SLC19A1: variants seen among roughly 807,000 people sequenced by gnomAD.
SLC19A1 encodes solute carrier family 19 member 1.
A neutral mutation model predicts 35.3 loss-of-function variants in SLC19A1; 37 were observed. That is an observed-to-expected ratio of 1.05 (90% CI 0.81 to 1.38). The LOEUF (loss-of-function observed/expected upper bound fraction) is 1.38. Ranked by LOEUF, SLC19A1 falls within the 40% of genes most tolerant of loss-of-function variation. The pLI is 0.00. For missense variants in SLC19A1, 831 were observed against 826.9 expected, an observed-to-expected ratio of 1.00 and a Z score of -0.06; for synonymous variants, 460 against 398.5, an observed-to-expected ratio of 1.15 and a Z score of -1.84.
chr21:45,528,230 G>A (rs1049131142), intron 4 of SLC19A1, among the ~76,000 whole-genome samples: 4 of 152,242 alleles, frequency 2.6e-5, no homozygotes, highest in Non-Finnish European at 2.9e-5. Context: ...GGATGCCAGC[G>A]CTGGGCAGGG....
At chr21:45,561,368 C>G (rs542165028) in intron 1 of SLC19A1, among the ~76,000 whole-genome samples, 1 of 152,304 alleles carries the variant, frequency 6.6e-6, no homozygotes, top group African/African-American at 2.4e-5. Context: ...GTTTGTGCAG[C>G]CAGGATTAAA....
chr21:45,507,727 G>C, downstream of SLC19A1: 1 of 858,540 alleles, frequency 1.2e-6, no homozygotes, highest in Non-Finnish European at 1.9e-6. Flanking sequence ...ATCAGCCCCT[G>C]CTGCAGAAAC....
In SLC19A1 at chr21:45,530,248, C is replaced by A. The variant is rs1004269565; in HGVS notation, c.1151+522G>T. Among the ~76,000 whole-genome samples, 5 of 149,846 alleles carry A rather than the reference C, an allele frequency of 3.3e-5. No individual in the cohort carries two copies. The highest frequency in any genetic ancestry group is 3.3e-4 in the Admixed American group (5 of 15,084). On this transcript the variant is annotated intron_variant, in intron 4 of 5. Coordinates refer to ENST00000311124, the MANE Select transcript of SLC19A1 (RefSeq NM_194255.4). This position sits in a 1 kb window ranked among gnomAD's most constrained non-coding sequence, Gnocchi z 5.3. Reference sequence around the variant, plus strand: ...TGTGTGTCCGTGTGTGTGGTGTGTTCATGTGCGATATATCCATGTGTGAGT... The same window carrying A: ...TGTGTGTCCGTGTGTGTGGTGTGTTAATGTGCGATATATCCATGTGTGAGT...
chr21:45,543,155 G>A (rs1228415511), upstream of SLC19A1, among the ~76,000 whole-genome samples: 1 of 152,226 alleles, frequency 6.6e-6, no homozygotes, highest in East Asian at 1.9e-4. Flanking sequence ...AGGCCTCGCA[G>A]ACGGCAGCGC....
chr21:45,509,959 C>T (rs1404175116), downstream of SLC19A1: 18 of 1,329,296 alleles, frequency 1.4e-5, no homozygotes, highest in East Asian at 7.6e-5. Context: ...CAGCGCCCCT[C>T]GGCCGTGCCT....
chr21:45,514,672 AC>A lies in SLC19A1; in HGVS notation c.*985del. 2 of 273,566 alleles carry A rather than the reference AC, an allele frequency of 7.3e-6. No individual in the cohort carries two copies. Among genetic ancestry groups the A allele is most frequent in the Non-Finnish European group, 1.4e-5 (2 of 147,114 alleles). 16.9% of individuals were successfully genotyped at this position (273,566 alleles called of 1,614,324 possible). On this transcript the variant is annotated 3_prime_UTR_variant, in exon 6 of 6. Coordinates refer to ENST00000311124, the MANE Select transcript of SLC19A1 (RefSeq NM_194255.4). ...CCTCCTCACTGACTGCTGACCCTCA[AC>A]CCCCAGGCCAGGCCGGCCCTGAATC...
At position 45,526,864 on chromosome 21, in the gene SLC19A1, G is replaced by A. The variant is rs150068215; in HGVS notation, c.1152-906C>T. On this transcript the variant is annotated intron_variant, in intron 4 of 5. Transcript: ENST00000311124. ...TGGGATCACAGGTGTGAGCCACTGC[G>A]CCCAGCTGAATTCTGGCTGTTTTGA... 5.3e-3 allele frequency among the ~76,000 whole-genome samples: 806 copies of A among 152,314 alleles called. 9 individuals are homozygous for A. The highest frequency in any genetic ancestry group is 0.017 in the African/African-American group (706 of 41,574).
rs747799751 is a variant in SLC19A1, at chr21:45,503,986, G to C, written c.498-5374C>G. 1.5e-5 allele frequency: 25 copies of C among 1,613,086 alleles called. No individual in the cohort carries two copies. In the South Asian group the frequency reaches 2.7e-4, roughly 18 times the overall value. ...GCGCTGTCAGACACCACCTCAGCGAGACCCCGCCTGTCTCTCTCTTGCAGG... is the reference window on the plus strand; with the variant it reads ...GCGCTGTCAGACACCACCTCAGCGACACCCCGCCTGTCTCTCTCTTGCAGG... On this transcript the variant is annotated intron_variant, in intron 3 of 4. Transcript: ENST00000417954.
chr21:45,543,471 C>T (rs893166565), upstream of SLC19A1, among the ~76,000 whole-genome samples: 4 of 152,358 alleles, frequency 2.6e-5, 1 homozygote, highest in South Asian at 6.2e-4. Context: ...GGGGCAGCAG[C>T]CCCTGGAATG....
At chr21:45,505,339 C>G (rs375236772) in intron 3 of SLC19A1, 4 of 1,593,184 alleles carry the variant, frequency 2.5e-6, no homozygotes, top group Non-Finnish European at 3.4e-6. Flanking sequence ...GTGTTCCCAC[C>G]TTGGTTTCTC....
chr21:45,504,195 G>T, intron 3 of SLC19A1: 1 of 1,038,512 alleles, frequency 9.6e-7, no homozygotes. Flanking sequence ...AGAGGGTGTC[G>T]AGGGCGTCCC....
downstream of SLC19A1, chr21:45,510,040 C>T (rs1419428543): frequency 4.9e-5 from 76 of 1,540,660 alleles, no homozygotes; most frequent in East Asian, 7.3e-5. Flanking sequence ...GGACACAGCC[C>T]GTGACGCGCC....
downstream of SLC19A1, among the ~76,000 whole-genome samples, chr21:45,508,053 G>A (rs1382010499): frequency 2.0e-5 from 3 of 151,458 alleles, no homozygotes; most frequent in Non-Finnish European, 4.4e-5. Flanking sequence ...AGGTAGATGG[G>A]GAGGTGGATG....
At chr21:45,505,086 G>T in intron 3 of SLC19A1, 1 of 1,592,048 alleles carries the variant, frequency 6.3e-7, no homozygotes, top group East Asian at 2.3e-5. Flanking sequence ...CCCGCCCCCA[G>T]TCCAGGGCAC....
rs2077834476 is a variant in SLC19A1 at position 45,530,517 on chromosome 21, G to A, written c.1151+253C>T. 6.6e-6 allele frequency among the ~76,000 whole-genome samples: 1 copy of A among 152,182 alleles called. No individual in the cohort carries two copies. The highest frequency in any genetic ancestry group is 2.4e-5 in the African/African-American group (1 of 41,436). On this transcript the variant is annotated intron_variant, in intron 4 of 5. Coordinates refer to ENST00000311124, the MANE Select transcript of SLC19A1 (RefSeq NM_194255.4). The surrounding 1 kb of genome is among the most constrained non-coding windows in gnomAD (Gnocchi z 5.3). ...GGCCTAGAGGGTGGGGTTGGGAGCA[G>A]GGCAAGGCTGTGAGCCCAGCAGGCT...
At chr21:45,554,631 G>C (rs1044634105) in intron 1 of SLC19A1, among the ~76,000 whole-genome samples, 1 of 146,118 alleles carries the variant, frequency 6.8e-6, no homozygotes, top group Admixed American at 6.8e-5. Flanking sequence ...GCACGGGGCA[G>C]CGGCGTGGAA....
At chr21:45,535,692 C>T (rs975915642) in intron 2 of SLC19A1, among the ~76,000 whole-genome samples, 1 of 152,208 alleles carries the variant, frequency 6.6e-6, no homozygotes, top group African/African-American at 2.4e-5. Context: ...AGGCTGCCAG[C>T]TCGTGCTCTA....
In SLC19A1 at chr21:45,531,793, A is replaced by C. The variant is rs1337271063; in HGVS notation, c.545T>G (p.Phe182Cys). The change falls in exon 3 of 6, where the codon TTC becomes TGC. Residue 182 changes from phenylalanine (F) to cysteine (C), a missense_variant. Physicochemically the swap from Phe to Cys is radical, Grantham distance 205. Transcript: ENST00000311124. Reference sequence around the variant, plus strand: ...CAGCGAGATGTAGTTGAGCGTGGAGAAGGAGACTCGGCCCACAGTGACCAG... The same window carrying C: ...CAGCGAGATGTAGTTGAGCGTGGAGCAGGAGACTCGGCCCACAGTGACCAG... Reference protein sequence around the residue: ...QLLVTVGRVSFSTLNYISLAF... With the variant: ...QLLVTVGRVSCSTLNYISLAF... 1 of 1,599,386 alleles carries C rather than the reference A, an allele frequency of 6.3e-7. No homozygotes were observed. Among genetic ancestry groups the C allele is most frequent in the Non-Finnish European group, 8.5e-7 (1 of 1,173,266 alleles).
chr21:45,556,146 G>A (rs1228786078), intron 1 of SLC19A1, among the ~76,000 whole-genome samples: 2 of 152,234 alleles, frequency 1.3e-5, no homozygotes, highest in Non-Finnish European at 2.9e-5. Flanking sequence ...CCACAAGGAC[G>A]CTCCCGTTCC....
Sources: allele counts gnomAD v4.1 joint callset (sites outside exome capture counted in the v4.1 genomes callset), GRCh38; gene constraint gnomAD v4.1.1; non-coding constraint Gnocchi (gnomAD v3.1); transcripts MANE v1.5; gene names NCBI Gene and HGNC (gene_info 2026-07-23, HGNC 2026-07-21).